The following ZNF253 variants were observed in gnomAD, a reference collection of about 807,000 sequenced individuals.
ZNF253 encodes zinc finger protein 253.
Under a neutral mutation model 11.9 loss-of-function variants are expected in ZNF253, and 8 were observed. The ratio of observed to expected loss-of-function variants is 0.67; its 90% confidence interval spans 0.40 to 1.22. ZNF253 has a LOEUF of 1.22. Among genes scored for constraint, ZNF253 ranks in the 50% most tolerant of loss-of-function variants. ZNF253 has a pLI of 0.01. For synonymous variants in ZNF253, 194 were observed against 194.9 expected, an observed-to-expected ratio of 1.00 and a Z score of 0.04; for missense variants, 485 against 586.9, an observed-to-expected ratio of 0.83 and a Z score of 1.79.
At chr19:19,874,938 C>G (rs2063149101) in intron 1 of ZNF253, among the ~76,000 whole-genome samples, 1 of 152,052 alleles carries the variant, frequency 6.6e-6, no homozygotes, top group African/African-American at 2.4e-5. Context: ...ATTACAGAAA[C>G]TCTGAGATTT....
intron 3 of ZNF253, among the ~76,000 whole-genome samples, chr19:19,889,338 T>C (rs2063219431): frequency 6.6e-6 from 1 of 152,102 alleles, no homozygotes. Flanking sequence ...ATTTCTTTTA[T>C]GTAATTAATT....
At chr19:19,872,583 T>TATATTATTA (rs371297261) in intron 1 of ZNF253, among the ~76,000 whole-genome samples, 6 of 120,764 alleles carry the variant, frequency 5.0e-5, no homozygotes, top group African/African-American at 2.1e-4. Context: ...ATATATATTA[T>TATATTATTA]TATATATATA....
At chr19:19,877,866 T>C (rs184123889) in intron 1 of ZNF253, among the ~76,000 whole-genome samples, 1 of 152,322 alleles carries the variant, frequency 6.6e-6, no homozygotes, top group Admixed American at 6.5e-5. Flanking sequence ...CTGGCGTCTA[T>C]CCTTTCTTCT....
chr19:19,885,279 CTTTCTTTCTT>C (rs2063197403), intron 3 of ZNF253, among the ~76,000 whole-genome samples: 1 of 33,940 alleles, frequency 2.9e-5, no homozygotes, highest in Non-Finnish European at 4.6e-5. Context: ...TTCTTTCTTT[CTTTCTTTCTT>C]TCTCTTTCTT....
At chr19:19,867,149 T>C (rs1464549128) in intron 1 of ZNF253, among the ~76,000 whole-genome samples, 1 of 152,142 alleles carries the variant, frequency 6.6e-6, no homozygotes, top group Non-Finnish European at 1.5e-5. Flanking sequence ...AAGACCAGCC[T>C]GGCCAAAATG....
Position 19,894,251 on chromosome 19 carries a change from A to T in ZNF253, c.*1504A>T, listed in dbSNP as rs563806404. On this transcript the variant is annotated 3_prime_UTR_variant, in exon 4 of 4. Transcript: ENST00000589717. ...AAAGTATACTTGTTTTCTTGAAAAA[A>T]TTTTTTTGAAAAGTGAATAATGATA... 1 of 152,146 alleles carries T rather than the reference A, an allele frequency of 6.6e-6. No individual in the cohort carries two copies. The highest frequency in any genetic ancestry group is 1.5e-5 in the Non-Finnish European group (1 of 68,022). The allele number at this position is 152,146 out of a possible 1,614,324, so 9.4% of individuals were successfully genotyped here. A position where few individuals can be genotyped will look rare whatever the true frequency, so the allele number is the denominator to read the frequency against.
chr19:19,874,861 G>A (rs1244245929), intron 1 of ZNF253, among the ~76,000 whole-genome samples: 1 of 149,628 alleles, frequency 6.7e-6, no homozygotes, highest in Non-Finnish European at 1.5e-5. Context: ...GCAGTTAGCC[G>A]AGATCGCGCC....
At chr19:19,882,385 T>A (rs1048313237) in intron 3 of ZNF253, among the ~76,000 whole-genome samples, 2 of 152,156 alleles carry the variant, frequency 1.3e-5, no homozygotes. Flanking sequence ...GGGTTGTAGC[T>A]TGGTCACAAG....
chr19:19,885,034 A>G (rs192296739), intron 3 of ZNF253, among the ~76,000 whole-genome samples: 8 of 152,254 alleles, frequency 5.3e-5, no homozygotes, highest in Non-Finnish European at 1.0e-4. Context: ...CTCTTTTAAC[A>G]AGTAATATGT....
chr19:19,871,863 G>A (rs964764821), intron 1 of ZNF253, among the ~76,000 whole-genome samples: 2 of 151,986 alleles, frequency 1.3e-5, no homozygotes, highest in African/African-American at 4.8e-5. Context: ...TTTAATTATT[G>A]TTTCCAAACA....
intron 3 of ZNF253, among the ~76,000 whole-genome samples, 175 bp downstream of exon 3, chr19:19,880,321 T>C (rs2063172710): frequency 1.3e-5 from 2 of 151,026 alleles, no homozygotes; most frequent in East Asian, 2.0e-4. Flanking sequence ...TTCTGTCTTA[T>C]GCTTTTAAAT....
In ZNF253 at chr19:19,894,251, A is replaced by C. The variant is rs563806404; in HGVS notation, c.*1504A>C. ...AAAGTATACTTGTTTTCTTGAAAAA[A>C]TTTTTTTGAAAAGTGAATAATGATA... On this transcript the variant is annotated 3_prime_UTR_variant, in exon 4 of 4. Transcript: ENST00000589717. 2 of 152,264 alleles carry C rather than the reference A, an allele frequency of 1.3e-5. No individual in the cohort carries two copies. Among genetic ancestry groups the C allele is most frequent in the East Asian group, 3.9e-4 (2 of 5,182 alleles). 9.4% of individuals were successfully genotyped at this position (152,264 alleles called of 1,614,324 possible). A position where few individuals can be genotyped will look rare whatever the true frequency, so the allele number is the denominator to read the frequency against.
intron 3 of ZNF253, among the ~76,000 whole-genome samples, chr19:19,891,007 A>ATTTTTTTTTTTTTTTTTTTTTTTTTTTTT (rs1568501169): frequency 6.7e-6 from 1 of 149,710 alleles, no homozygotes; most frequent in African/African-American, 2.5e-5. Flanking sequence ...TGTCTGGCTA[A>ATTTTTTTTTTTTTTTTTTTTTTTTTTTTT]TTTTTTGTAT....
At chr19:19,874,135 C>A (rs2145262150) in intron 1 of ZNF253, among the ~76,000 whole-genome samples, 1 of 152,172 alleles carries the variant, frequency 6.6e-6, no homozygotes, top group South Asian at 2.1e-4. Flanking sequence ...GTCTTTAACT[C>A]CTGACCTCAG....
chr19:19,891,738 C>G lies in ZNF253; in HGVS notation c.491C>G (p.Thr164Arg). 1 of 1,614,028 alleles carries G rather than the reference C, an allele frequency of 6.2e-7. No individual in the cohort carries two copies. Among genetic ancestry groups the G allele is most frequent in the Middle Eastern group, 1.6e-4 (1 of 6,062 alleles). The change falls in exon 4 of 4, where the codon ACA becomes AGA. Residue 164 changes from threonine to arginine, a missense_variant. Thr to Arg is a moderately conservative substitution (Grantham distance 71). Coordinates refer to ENST00000589717, the MANE Select transcript of ZNF253 (RefSeq NM_021047.3). ...TTTTCAAATTCAAACACATATAAGACAAGACATACTGGAATAAATCTTTTC... is the reference window on the plus strand; with the variant it reads ...TTTTCAAATTCAAACACATATAAGAGAAGACATACTGGAATAAATCTTTTC... The part of the protein sequence containing the change: ...HKFSNSNTYK[T>R]RHTGINLFKC...
rs1456132612 is a variant in ZNF253 at position 19,891,977 on chromosome 19, A to T, written c.730A>T (p.Thr244Ser). Reference protein sequence around the residue: ...GKAFKQSSNLTTHKKIHTGEK... With the variant: ...GKAFKQSSNLSTHKKIHTGEK... Reference sequence around the variant, plus strand: ...AGCCTTTAAGCAGTCCTCAAACCTTACTACACATAAGAAAATTCATACTGG... The same window carrying T: ...AGCCTTTAAGCAGTCCTCAAACCTTTCTACACATAAGAAAATTCATACTGG... Residue 244 changes from threonine to serine, a missense_variant, in exon 4 of 4, where the codon ACT (threonine) becomes TCT (serine). Thr to Ser is a moderately conservative substitution (Grantham distance 58). Around this residue, in one of 3 missense-constraint regions of ZNF253, gnomAD observed 232 missense variants for 321.4 expected, o/e 0.72. Coordinates refer to ENST00000589717, the MANE Select transcript of ZNF253 (RefSeq NM_021047.3). 5 of 1,613,804 alleles carry T rather than the reference A, an allele frequency of 3.1e-6. No individual in the cohort carries two copies. In the African/African-American group the frequency reaches 6.7e-5, roughly 22 times the overall value.
chr19:19,887,288 TTTTA>T (rs967924763), intron 3 of ZNF253, among the ~76,000 whole-genome samples: 42 of 151,714 alleles, frequency 2.8e-4, no homozygotes, highest in African/African-American at 1.0e-3. Context: ...TTATATATAA[TTTTA>T]TTTATTTATT....
In ZNF253 at chr19:19,880,088, G is replaced by A. The variant is rs1258348502; in HGVS notation, c.168G>A (p.Leu56=). 7 of 1,608,370 alleles carry A rather than the reference G, an allele frequency of 4.4e-6. No individual in the cohort carries two copies. The highest frequency in any genetic ancestry group is 5.9e-6 in the Non-Finnish European group (7 of 1,177,706). The change falls in exon 3 of 4, where the codon CTG becomes CTA. Residue 56 remains leucine (L), a synonymous_variant. Coordinates refer to ENST00000589717, the MANE Select transcript of ZNF253 (RefSeq NM_021047.3). ...CTAAGCCAGACCTGGTTACCTGTCT[G>A]GAGCAAGGAAAAAAACCTTTAACTA... The part of the protein sequence containing the change: ...VVSKPDLVTC[L]EQGKKPLTME...
intron 1 of ZNF253, among the ~76,000 whole-genome samples, chr19:19,869,335 T>C (rs1392348260): frequency 6.6e-6 from 1 of 152,154 alleles, no homozygotes; most frequent in African/African-American, 2.4e-5. Flanking sequence ...TAGTTATGTG[T>C]AGGGTTTGTA....
Sources: allele counts gnomAD v4.1 joint callset (sites outside exome capture counted in the v4.1 genomes callset), GRCh38; gene constraint gnomAD v4.1.1; regional missense constraint gnomAD v4.1.1; transcripts MANE v1.5; gene names NCBI Gene and HGNC (gene_info 2026-07-23, HGNC 2026-07-21).